The following SATB1 variants were observed in gnomAD, a reference collection of about 807,000 sequenced individuals.
SATB1 encodes DNA-binding protein SATB1.
Under a neutral mutation model 86.9 loss-of-function variants are expected in SATB1, and 11 were observed. That is an observed-to-expected ratio of 0.13 (90% CI 0.08 to 0.21). The LOEUF (loss-of-function observed/expected upper bound fraction) is 0.21. SATB1 is among the 10% of genes least tolerant of loss of function. The probability of loss-of-function intolerance (pLI) is 1.00; values close to 1 mark genes in which losing one functional copy is unlikely to be tolerated. For synonymous variants in SATB1, 357 were observed against 357.2 expected, an observed-to-expected ratio of 1.00 and a Z score of 0.01; for missense variants, 551 against 937.6, an observed-to-expected ratio of 0.59 and a Z score of 5.39.
chr3:18,366,310 T>C (rs993973270), intron 9 of SATB1, among the ~76,000 whole-genome samples: 2 of 152,080 alleles, frequency 1.3e-5, no homozygotes, highest in South Asian at 4.1e-4. Flanking sequence ...CCTTTTCCTT[T>C]GTATTTACTC....
intron 5 of SATB1, among the ~76,000 whole-genome samples, chr3:18,407,903 T>C (rs915215397): frequency 6.6e-6 from 1 of 152,042 alleles, no homozygotes; most frequent in Non-Finnish European, 1.5e-5. Context: ...ACAAAGTTAA[T>C]ACTTGTTACA....
intron 5 of SATB1, among the ~76,000 whole-genome samples, chr3:18,397,715 A>C (rs999541533): frequency 2.0e-5 from 3 of 152,218 alleles, no homozygotes; most frequent in Non-Finnish European, 4.4e-5. Flanking sequence ...AGGGACCAGC[A>C]ATATGGGCAT....
At position 18,420,969 on chromosome 3, in the gene SATB1, C is replaced by T. The variant is rs1698367126; in HGVS notation, c.-2G>A. ...AGTTGCCTCGTTCAAATGATCCATA[C>T]TCAGTCACTGTCTAAAGATCACCTG... On this transcript the variant is annotated 5_prime_UTR_variant, in exon 2 of 11. Transcript: ENST00000338745. The T allele has an allele frequency of 1.2e-6, 2 of 1,613,984 alleles. No homozygotes were observed. Among genetic ancestry groups the T allele is most frequent in the Middle Eastern group, 1.7e-4 (1 of 6,048 alleles).
chr3:18,444,311 G>A lies in SATB1; in HGVS notation c.-25+1207C>T, dbSNP rs1699322272. Among the ~76,000 whole-genome samples the A allele has an allele frequency of 6.6e-6, 1 of 152,026 alleles. No individual in the cohort carries two copies. The highest frequency in any genetic ancestry group is 2.4e-5 in the African/African-American group (1 of 41,382). Reference sequence around the variant, plus strand: ...GAGTTTGTTCAGCCAGGGTCTATTGGGCAGGTGTGGTGGTGTGTCCACACC... The same window carrying A: ...GAGTTTGTTCAGCCAGGGTCTATTGAGCAGGTGTGGTGGTGTGTCCACACC... On this transcript the variant is annotated intron_variant, in intron 1 of 3. Transcript: ENST00000415069. This position sits in a 1 kb window ranked among gnomAD's most constrained non-coding sequence, Gnocchi z 5.1.
At chr3:18,393,563 A>AC (rs1235525757) in intron 7 of SATB1, among the ~76,000 whole-genome samples, 11 of 152,174 alleles carry the variant, frequency 7.2e-5, no homozygotes, top group Admixed American at 7.2e-4. Flanking sequence ...GATAGATAGT[A>AC]CCTTCACAGG....
chr3:18,436,974 C>G (rs1460116317), intron 1 of SATB1: 1 of 152,122 alleles, frequency 6.6e-6, no homozygotes, highest in African/African-American at 2.4e-5. Flanking sequence ...GTTTCAGTAA[C>G]CCATTGTTTT....
In SATB1 at chr3:18,425,090, G is replaced by A; in HGVS notation, c.-1488C>T. On this transcript the variant is annotated 5_prime_UTR_variant, in exon 1 of 11. Transcript: ENST00000338745. ...GCTGTCGCTGCCGCCGCCGTGCCCC[G>A]CTCGGCTCCGCGCGTCCGCCCGGGC... The A allele has an allele frequency of 6.2e-6, 1 of 161,578 alleles. No individual in the cohort carries two copies. Among genetic ancestry groups the A allele is most frequent in the Non-Finnish European group, 1.3e-5 (1 of 75,348 alleles). 10.0% of individuals were successfully genotyped at this position (161,578 alleles called of 1,614,324 possible). A position where few individuals can be genotyped will look rare whatever the true frequency, so the allele number is the denominator to read the frequency against.
At chr3:18,419,372 CAT>C (rs769180568) in intron 2 of SATB1, among the ~76,000 whole-genome samples, 17 of 152,284 alleles carry the variant, frequency 1.1e-4, no homozygotes, top group Middle Eastern at 3.4e-3. Flanking sequence ...AAAAATACCA[CAT>C]GATTTAAACC....
chr3:18,386,241 GAATT>G lies in SATB1; in HGVS notation c.1419+154_1419+157del, dbSNP rs1179408139. 3.9e-5 allele frequency among the ~76,000 whole-genome samples: 6 copies of G among 151,990 alleles called. No individual in the cohort carries two copies. Among genetic ancestry groups the G allele is most frequent in the African/African-American group, 1.5e-4 (6 of 41,370 alleles). Reference sequence around the variant, plus strand: ...TTAGGAGCTTATTGTTTTTATATCAGAATTAATGATTTGGGACCAAATTCTCCTC... The same window carrying G: ...TTAGGAGCTTATTGTTTTTATATCAGAATGATTTGGGACCAAATTCTCCTC... On this transcript the variant is annotated intron_variant, in intron 8 of 10. Transcript: ENST00000338745. The surrounding 1 kb of genome is among the most constrained non-coding windows in gnomAD (Gnocchi z 4.5).
chr3:18,432,440 T>C (rs1698918428), intron 2 of SATB1, among the ~76,000 whole-genome samples: 1 of 152,148 alleles, frequency 6.6e-6, no homozygotes, highest in South Asian at 2.1e-4. Flanking sequence ...TGAATCCTTG[T>C]CCAGGTCATT....
intron 1 of SATB1, among the ~76,000 whole-genome samples, chr3:18,421,813 T>C (rs1015652612): frequency 2.0e-5 from 3 of 150,924 alleles, no homozygotes; most frequent in Non-Finnish European, 4.4e-5. Context: ...CTTCGTGATA[T>C]GCACATTAGG....
chr3:18,383,513 A>G (rs1354847142), intron 8 of SATB1, among the ~76,000 whole-genome samples: 1 of 152,178 alleles, frequency 6.6e-6, no homozygotes, highest in Non-Finnish European at 1.5e-5. Flanking sequence ...TTTCAGGTGC[A>G]ACCCAAACCC....
intron 9 of SATB1, among the ~76,000 whole-genome samples, chr3:18,357,502 C>G (rs1005724723): frequency 6.7e-6 from 1 of 149,560 alleles, no homozygotes; most frequent in South Asian, 2.1e-4. Context: ...CTAATGAAGA[C>G]AGTTTTTAAT....
At chr3:18,417,782 A>G in intron 2 of SATB1, 1 of 624,214 alleles carries the variant, frequency 1.6e-6, no homozygotes, top group Admixed American at 2.9e-5. Context: ...GGTACCCATA[A>G]GTCTTTAAAA....
chr3:18,386,525 A>G lies in SATB1; in HGVS notation c.1293T>C (p.Asn431=), dbSNP rs1314739705. ...TTTCAGCTTCCGGTAACTGCAAGAA[A>G]TTCTGCATAGCCCGAAGGTTTACCA... is the stretch of plus-strand genomic sequence containing the variant. ...SLLVNLRAMQ[N]FLQLPEAERD... is the part of the protein sequence containing the mutation. The change falls in exon 8 of 11, where the codon AAT becomes AAC. Residue 431 remains asparagine, a synonymous_variant. Coordinates refer to ENST00000338745, the MANE Select transcript of SATB1 (RefSeq NM_002971.6). This position sits in a 1 kb window ranked among gnomAD's most constrained non-coding sequence, Gnocchi z 4.5. The G allele has an allele frequency of 2.5e-6, 4 of 1,613,958 alleles. No homozygotes were observed. The highest frequency in any genetic ancestry group is 3.4e-6 in the Non-Finnish European group (4 of 1,180,006).
At chr3:18,442,076 A>C (rs1014446517), upstream of SATB1, among the ~76,000 whole-genome samples, 1 of 152,138 alleles carries the variant, frequency 6.6e-6, no homozygotes, top group African/African-American at 2.4e-5. Context: ...TATTTATTAC[A>C]TATTTCAGCT....
intron 2 of SATB1, among the ~76,000 whole-genome samples, chr3:18,430,598 C>G (rs188345490): frequency 3.2e-4 from 48 of 152,178 alleles, no homozygotes; most frequent in Admixed American, 1.4e-3. Flanking sequence ...GATACCTACT[C>G]GAACTGGGAG....
chr3:18,442,391 T>C (rs1266671225), upstream of SATB1, among the ~76,000 whole-genome samples: 2 of 152,238 alleles, frequency 1.3e-5, no homozygotes, highest in Non-Finnish European at 2.9e-5. Context: ...TATTATGTAT[T>C]ACCTATGACT....
intron 2 of SATB1, among the ~76,000 whole-genome samples, chr3:18,435,889 G>A (rs1021197223): frequency 1.3e-5 from 2 of 152,132 alleles, no homozygotes; most frequent in African/African-American, 2.4e-5. Context: ...GACAGAATGT[G>A]CATGATAATG....
Sources: gnomAD v4.1 joint callset for allele counts (sites outside exome capture counted in the v4.1 genomes callset) on GRCh38, gnomAD v4.1.1 for gene constraint, Gnocchi (gnomAD v3.1) non-coding constraint, MANE v1.5 for transcripts, NCBI Gene and HGNC (gene_info 2026-07-23, HGNC 2026-07-21) for gene names.